EVL: variants seen among roughly 807,000 people sequenced by gnomAD.
The protein encoded by EVL is ena/VASP-like protein.
Under a neutral mutation model 59.6 loss-of-function variants are expected in EVL, and 21 were observed. That is an observed-to-expected ratio of 0.35 (90% CI 0.25 to 0.51). EVL has a LOEUF of 0.51. Among genes scored for constraint, EVL ranks in the 20% least tolerant of loss-of-function variants. The pLI is 0.97. For synonymous variants in EVL, 198 were observed against 203.5 expected (o/e 0.97, Z 0.23); for missense variants, 462 against 546.6 (o/e 0.85, Z 1.54).
At chr14:100,004,112 A>G (rs1434049108) in intron 1 of EVL, among the ~76,000 whole-genome samples, 1 of 152,168 alleles carries the variant, frequency 6.6e-6, no homozygotes, top group East Asian at 1.9e-4. Context: ...GCTGAGGCAC[A>G]AGAATCACTT....
chr14:100,023,245 C>G (rs1464702887), intron 1 of EVL, among the ~76,000 whole-genome samples: 6 of 150,510 alleles, frequency 4.0e-5, no homozygotes, highest in African/African-American at 1.5e-4. Context: ...CACTTTGTCA[C>G]CTGGGTTGGC....
intron 3 of EVL, among the ~76,000 whole-genome samples, chr14:100,098,226 T>C (rs995660980): frequency 6.6e-6 from 1 of 152,148 alleles, no homozygotes; most frequent in African/African-American, 2.4e-5. Flanking sequence ...GAATAGGACA[T>C]AAGTAACTGC....
Position 100,144,160 on chromosome 14 carries a change from C to A in EVL, c.*422C>A, listed in dbSNP as rs938832001. 2.9e-5 allele frequency: 6 copies of A among 204,142 alleles called. No individual in the cohort carries two copies. The East Asian group carries it at 7.9e-4, about 27-fold the overall frequency. 12.6% of individuals were successfully genotyped at this position (204,142 alleles called of 1,614,324 possible). A position where few individuals can be genotyped will look rare whatever the true frequency, so the allele number is the denominator to read the frequency against. On this transcript the variant is annotated 3_prime_UTR_variant, in exon 14 of 14. Transcript: ENST00000392920. ...TGTCCAGGCACAGCTCCGTCCCCAG[C>A]GCTCATGGTGTTGAAACTGTCTGTC... is the stretch of plus-strand genomic sequence containing the variant.
At chr14:99,986,290 C>CAAA (rs3072366) in intron 1 of EVL, among the ~76,000 whole-genome samples, 24 of 78,408 alleles carry the variant, frequency 3.1e-4, no homozygotes, top group Middle Eastern at 6.3e-3. Context: ...GACTCTGTCT[C>CAAA]AAAAAAAAAA....
chr14:100,032,924 A>T (rs1412297333), intron 1 of EVL, among the ~76,000 whole-genome samples: 3 of 151,676 alleles, frequency 2.0e-5, no homozygotes, highest in Non-Finnish European at 4.4e-5. Context: ...TTGTTTATTC[A>T]TTTTTATTAC....
chr14:100,013,696 C>T (rs1282528431), intron 1 of EVL, among the ~76,000 whole-genome samples: 1 of 152,176 alleles, frequency 6.6e-6, no homozygotes, highest in Non-Finnish European at 1.5e-5. Flanking sequence ...GTTTCATCTC[C>T]ACACAGCACA....
At chr14:100,073,277 C>G (rs1595133363) in intron 1 of EVL, among the ~76,000 whole-genome samples, 2 of 151,752 alleles carry the variant, frequency 1.3e-5, no homozygotes, top group African/African-American at 4.8e-5. Flanking sequence ...ACTAAATGCC[C>G]TCCTCTTGTG....
At chr14:100,103,367 T>C (rs73349527) in intron 3 of EVL, among the ~76,000 whole-genome samples, 2,159 of 152,116 alleles carry the variant, frequency 0.014, 51 homozygotes, top group African/African-American at 0.05. Flanking sequence ...TTTTCAAATA[T>C]TGTTCTCTCC....
chr14:100,008,714 G>C (rs2060998648), intron 1 of EVL, among the ~76,000 whole-genome samples: 2 of 152,174 alleles, frequency 1.3e-5, no homozygotes, highest in African/African-American at 4.8e-5. Context: ...AATGTAGTCA[G>C]TCACCTAACA....
intron 1 of EVL, among the ~76,000 whole-genome samples, chr14:100,067,826 G>A (rs979111364): frequency 1.6e-4 from 24 of 152,180 alleles, no homozygotes; most frequent in Admixed American, 1.6e-3. Context: ...TGGCTGTGAG[G>A]ACCCTGCAGC....
intron 1 of EVL, among the ~76,000 whole-genome samples, chr14:100,026,072 G>A (rs866581827): frequency 2.6e-5 from 4 of 151,792 alleles, no homozygotes; most frequent in Non-Finnish European, 5.9e-5. Context: ...GTAACATGGC[G>A]AAACCCCACG....
intron 1 of EVL, among the ~76,000 whole-genome samples, chr14:100,045,615 C>A (rs916557215): frequency 6.6e-6 from 1 of 152,220 alleles, no homozygotes; most frequent in Admixed American, 6.5e-5. Context: ...TGTCAATGAA[C>A]ACACATTCAG....
intron 1 of EVL, among the ~76,000 whole-genome samples, chr14:100,071,946 A>G (rs1008300996): frequency 6.6e-6 from 1 of 152,162 alleles, no homozygotes; most frequent in Non-Finnish European, 1.5e-5. Flanking sequence ...TGTGCCCATT[A>G]AGAAAAAAAA....
At chr14:100,080,826 A>G (rs913544850) in intron 1 of EVL, among the ~76,000 whole-genome samples, 3 of 152,204 alleles carry the variant, frequency 2.0e-5, no homozygotes, top group Non-Finnish European at 4.4e-5. Context: ...CTCCCCAACT[A>G]ATCAACAGAT....
At chr14:99,994,905 G>C (rs2060902948) in intron 1 of EVL, among the ~76,000 whole-genome samples, 1 of 152,142 alleles carries the variant, frequency 6.6e-6, no homozygotes, top group South Asian at 2.1e-4. Flanking sequence ...TTGAAGGACA[G>C]TTTTGCTGCA....
In EVL at chr14:100,138,046, G is replaced by T. The variant is rs556394889; in HGVS notation, c.1094+244G>T. The T allele has an allele frequency of 9.0e-5, 46 of 510,054 alleles. No homozygotes were observed. In the East Asian group the frequency reaches 1.2e-3, roughly 13 times the overall value. The allele number at this position is 510,054 out of a possible 1,614,324, so 31.6% of individuals were successfully genotyped here. ...TGACCTGTCCACAGAGGTAGTGCAG[G>T]GGGGGGCCAACATGGAGTCCCAGCT... On this transcript the variant is annotated intron_variant, in intron 11 of 13. Transcript: ENST00000392920.
chr14:100,105,749 T>C (rs1357789165), intron 3 of EVL, among the ~76,000 whole-genome samples: 3 of 151,962 alleles, frequency 2.0e-5, no homozygotes, highest in African/African-American at 7.3e-5. Flanking sequence ...GTAGAAGTAT[T>C]TGAGACAGAC....
chr14:100,136,343 A>T lies in EVL; in HGVS notation c.964+375A>T, dbSNP rs568404591. On this transcript the variant is annotated intron_variant, in intron 9 of 13. Coordinates refer to ENST00000392920, the MANE Select transcript of EVL (RefSeq NM_016337.3). ...TTAAGAGGTATCAGTGTCAGGACTCATGTCTCCCAGTGAAACGCCAGCTGA... is the reference window on the plus strand; with the variant it reads ...TTAAGAGGTATCAGTGTCAGGACTCTTGTCTCCCAGTGAAACGCCAGCTGA... Among the ~76,000 whole-genome samples the T allele has an allele frequency of 5.9e-5, 9 of 152,324 alleles. No individual in the cohort carries two copies. In the East Asian group the frequency reaches 1.7e-3, roughly 29 times the overall value.
At chr14:100,141,919 T>C in intron 13 of EVL, 126 bp downstream of exon 13, 1 of 679,832 alleles carries the variant, frequency 1.5e-6, no homozygotes, top group Admixed American at 3.2e-5. Context: ...CTGTGAGAGA[T>C]TTCATTCTTA....
Sources: gnomAD v4.1 joint callset for allele counts (sites outside exome capture counted in the v4.1 genomes callset) on GRCh38, gnomAD v4.1.1 for gene constraint, MANE v1.5 for transcripts, NCBI Gene and HGNC (gene_info 2026-07-23, HGNC 2026-07-21) for gene names.